Variants in EPM2A observed in about 807,000 individuals in gnomAD.
EPM2A encodes laforin.
In EPM2A, 21 loss-of-function variants were observed where a neutral mutation model predicts 26.5. The ratio of observed to expected loss-of-function variants is 0.79; its 90% CI spans 0.56 to 1.14. EPM2A has a LOEUF of 1.14. EPM2A is among the 50% of genes most tolerant of loss of function. The pLI is 0.00. For synonymous variants in EPM2A, 217 were observed against 177.6 expected (o/e 1.22, Z -1.76); for missense variants, 458 against 440.8 (o/e 1.04, Z -0.35).
rs899574518 is a variant in EPM2A, at chr6:145,388,293, C to T, written c.556-4196G>A. Among the ~76,000 whole-genome samples, 75 of 152,196 alleles carry T rather than the reference C, an allele frequency of 4.9e-4. 1 individual carries two copies. Among genetic ancestry groups the T allele is most frequent in the African/African-American group, 1.6e-3 (68 of 41,544 alleles). ...GAAGATCCACAGAGTTCTTTTAGAA[C>T]GGCCCTCTCCTGTGATCTTTCTTGA... On this transcript the variant is annotated intron_variant, in intron 4 of 4. Transcript: ENST00000638717.
intron 2 of EPM2A, among the ~76,000 whole-genome samples, chr6:145,658,887 A>G (rs922145686): frequency 3.3e-5 from 5 of 151,948 alleles, no homozygotes; most frequent in Non-Finnish European, 7.4e-5. Flanking sequence ...GTTTGTAAAT[A>G]TTTGTTCCTT....
intron 4 of EPM2A, among the ~76,000 whole-genome samples, chr6:145,447,669 A>T (rs1164616189): frequency 6.6e-6 from 1 of 152,164 alleles, no homozygotes; most frequent in Non-Finnish European, 1.5e-5. Context: ...AACTTCAAAC[A>T]TACCTTACTG....
chr6:145,413,791 C>T (rs181586956), intron 4 of EPM2A, among the ~76,000 whole-genome samples: 7 of 152,258 alleles, frequency 4.6e-5, no homozygotes, highest in African/African-American at 9.6e-5. Context: ...CTTATTTTCA[C>T]GTAAAAACTC....
intron 1 of EPM2A, among the ~76,000 whole-genome samples, chr6:145,706,186 C>T (rs1782212183): frequency 6.6e-6 from 1 of 152,142 alleles, no homozygotes; most frequent in Admixed American, 6.6e-5. Flanking sequence ...CTGCCTGTAT[C>T]CCATGAAGGA....
intron 4 of EPM2A, among the ~76,000 whole-genome samples, chr6:145,449,742 T>G (rs930672247): frequency 6.6e-6 from 1 of 152,222 alleles, no homozygotes; most frequent in African/African-American, 2.4e-5. Flanking sequence ...AGATTTTCAA[T>G]GGACTCTTCC....
At chr6:145,575,638 G>A (rs565876313) in intron 2 of EPM2A, among the ~76,000 whole-genome samples, 4 of 152,222 alleles carry the variant, frequency 2.6e-5, no homozygotes, top group Admixed American at 2.6e-4. Context: ...AGTTGTCAAA[G>A]GTATTATGTA....
chr6:145,671,991 T>A (rs1222324926), intron 2 of EPM2A, among the ~76,000 whole-genome samples: 2 of 152,234 alleles, frequency 1.3e-5, no homozygotes, highest in African/African-American at 4.8e-5. Context: ...TAACATCTCA[T>A]TAAGTTAGTT....
intron 1 of EPM2A, among the ~76,000 whole-genome samples, chr6:145,733,600 T>C (rs1562532551): frequency 6.6e-6 from 1 of 152,160 alleles, no homozygotes; most frequent in Non-Finnish European, 1.5e-5. Flanking sequence ...ACCATTTCCA[T>C]TTTTATTACA....
intron 4 of EPM2A, among the ~76,000 whole-genome samples, chr6:145,420,153 A>G (rs947905216): frequency 6.6e-6 from 1 of 152,168 alleles, no homozygotes; most frequent in African/African-American, 2.4e-5. Flanking sequence ...TCTTTCTCTT[A>G]TACACATTCA....
chr6:145,600,681 GGA>G (rs1258123545), intron 2 of EPM2A, among the ~76,000 whole-genome samples: 1 of 152,160 alleles, frequency 6.6e-6, no homozygotes, highest in African/African-American at 2.4e-5. Context: ...AAAAGGTGCT[GGA>G]GAGACACTGA....
chr6:145,640,290 T>C lies in EPM2A; in HGVS notation c.477-4804A>G, dbSNP rs543793307. ...GGTATTGGGAGACAAGTCCATTCAA[T>C]GGACTTCACATTACAGCTTCCATCA... On this transcript the variant is annotated intron_variant, in intron 2 of 3. Coordinates refer to ENST00000367519, the MANE Select transcript of EPM2A (RefSeq NM_005670.4). The C allele has an allele frequency of 3.3e-4, 51 of 152,326 alleles. 1 individual carries two copies. Among genetic ancestry groups the C allele is most frequent in the African/African-American group, 9.9e-4 (41 of 41,570 alleles). The allele number at this position is 152,326 out of a possible 1,614,324, so 9.4% of individuals were successfully genotyped here.
At chr6:145,689,256 G>A (rs1434865908) in intron 1 of EPM2A, among the ~76,000 whole-genome samples, 2 of 152,060 alleles carry the variant, frequency 1.3e-5, no homozygotes, top group Admixed American at 6.6e-5. Flanking sequence ...TTTAGAGGAT[G>A]GGTTATTGTC....
At chr6:145,546,974 A>G (rs542717160) in intron 2 of EPM2A, among the ~76,000 whole-genome samples, 100 of 152,244 alleles carry the variant, frequency 6.6e-4, no homozygotes, top group African/African-American at 2.3e-3. Flanking sequence ...ACTCTATAAA[A>G]TAATAATTTC....
At chr6:145,638,768 T>A (rs1776875542) in intron 2 of EPM2A, 1 of 152,194 alleles carries the variant, frequency 6.6e-6, no homozygotes, top group African/African-American at 2.4e-5. Flanking sequence ...AACAAACACA[T>A]CAATGGATTC....
intron 4 of EPM2A, among the ~76,000 whole-genome samples, chr6:145,472,960 A>G (rs1241419582): frequency 1.3e-5 from 2 of 152,106 alleles, no homozygotes; most frequent in Admixed American, 1.3e-4. Flanking sequence ...GAAAACTACA[A>G]TAAATGCCTA....
rs994427283 is a variant in EPM2A, at chr6:145,724,445, G to A, written c.301+10753C>T. 3.3e-5 allele frequency among the ~76,000 whole-genome samples: 5 copies of A among 152,028 alleles called. No homozygotes were observed. The East Asian group carries it at 9.6e-4, about 29-fold the overall frequency. On this transcript the variant is annotated intron_variant, in intron 1 of 3. Transcript: ENST00000367519. ...ATATTGTTAAGATGTCAGTTCTTCT[G>A]AACTCGATCTATAGCTTCAACACAA... is the stretch of plus-strand genomic sequence containing the variant.
Position 145,396,977 on chromosome 6 carries a change from C to A in EPM2A, c.556-12880G>T, listed in dbSNP as rs148626260. ...CCCACAGCACTTTCACTGTGCCTAT[C>A]ATTCCAGTCCTCTGGGCTAGTTGAG... On this transcript the variant is annotated intron_variant, in intron 4 of 4. Coordinates refer to the EPM2A transcript ENST00000638717. 1.6e-3 allele frequency among the ~76,000 whole-genome samples: 237 copies of A among 152,320 alleles called. 2 individuals are homozygous for A. Among genetic ancestry groups the A allele is most frequent in the African/African-American group, 5.4e-3 (225 of 41,566 alleles).
At chr6:145,686,352 T>A (rs1422178139) in intron 1 of EPM2A, 56 bp from the exon 2 acceptor site, 4 of 1,393,484 alleles carry the variant, frequency 2.9e-6, no homozygotes, top group Non-Finnish European at 4.1e-6. Flanking sequence ...TGTTTAAATA[T>A]CCTCAAAGCA....
intron 1 of EPM2A, among the ~76,000 whole-genome samples, chr6:145,696,775 A>ATGTGTGTGTG (rs35621582): frequency 6.8e-4 from 92 of 135,310 alleles, no homozygotes; most frequent in African/African-American, 1.9e-3. Context: ...AGGTAGGGGT[A>ATGTGTGTGTG]TGTGTGTGTG....
Sources: allele counts gnomAD v4.1 joint callset (sites outside exome capture counted in the v4.1 genomes callset), GRCh38; gene constraint gnomAD v4.1.1; transcripts MANE v1.5; gene names NCBI Gene and HGNC (gene_info 2026-07-23, HGNC 2026-07-21).